AKAP9: variants seen among roughly 807,000 people sequenced by gnomAD.
AKAP9 encodes the protein A-kinase anchoring protein 9.
Under a neutral mutation model 488.5 loss-of-function variants are expected in AKAP9, and 311 were observed. That is an observed-to-expected ratio of 0.64 (90% CI 0.58 to 0.70). The LOEUF (loss-of-function observed/expected upper bound fraction) is 0.70, where lower values mean the gene tolerates loss of function less well. Among genes scored for constraint, AKAP9 ranks in the 30% least tolerant of loss-of-function variants. The pLI is 0.00. For synonymous variants in AKAP9, 1,462 were observed against 1,483.5 expected (o/e 0.99, Z 0.33); for missense variants, 4,215 against 4,374.5 (o/e 0.96, Z 1.03).
intron 18 of AKAP9, 129 bp downstream of exon 18, chr7:92,041,027 T>A: frequency 1.4e-6 from 1 of 721,296 alleles, no homozygotes; most frequent in South Asian, 1.8e-5. Context: ...TTTGCCGAAA[T>A]CTGAATAAAC....
rs138345347 is a variant in AKAP9, at chr7:91,956,316, C to T, written c.48+15169C>T. ...TCAGGAGGCTGAGGCAGGAGAATGG[C>T]GTGGACCCGGGGGGCAGAACTTGCA... is the stretch of plus-strand genomic sequence containing the variant. On this transcript the variant is annotated intron_variant, in intron 1 of 49. Coordinates refer to ENST00000356239, the MANE Select transcript of AKAP9 (RefSeq NM_005751.5). Among the ~76,000 whole-genome samples, 333 of 149,604 alleles carry T rather than the reference C, an allele frequency of 2.2e-3. 1 individual carries two copies. The highest frequency in any genetic ancestry group is 7.6e-3 in the African/African-American group (311 of 40,662).
At chr7:92,042,642 C>T (rs1317930586) in intron 19 of AKAP9, 26 bp from the exon 20 acceptor site, 2 of 1,529,120 alleles carry the variant, frequency 1.3e-6, no homozygotes, top group African/African-American at 2.7e-5. Flanking sequence ...GTCTTCTCCT[C>T]TCTTCCTTTA....
chr7:92,083,144 C>A, intron 32 of AKAP9, 26 bp from the exon 33 acceptor site: 2 of 1,611,424 alleles, frequency 1.2e-6, no homozygotes, highest in South Asian at 2.2e-5. Flanking sequence ...ACTGAATGCC[C>A]TACTGTTCTA....
chr7:92,003,618 G>GT (rs1323084691), intron 8 of AKAP9, among the ~76,000 whole-genome samples: 1 of 151,766 alleles, frequency 6.6e-6, no homozygotes, highest in Non-Finnish European at 1.5e-5. Context: ...TCATAGTGAT[G>GT]TTTTCAAGTC....
chr7:92,008,653 A>T (rs1278566709), intron 8 of AKAP9, among the ~76,000 whole-genome samples: 1 of 151,368 alleles, frequency 6.6e-6, no homozygotes, highest in South Asian at 2.1e-4. Flanking sequence ...GCATCACTGC[A>T]CTCCAGCCTG....
intron 1 of AKAP9, among the ~76,000 whole-genome samples, chr7:91,953,860 C>G (rs1792601001): frequency 6.6e-6 from 1 of 150,420 alleles, no homozygotes; most frequent in African/African-American, 2.5e-5. Flanking sequence ...TATGCTGCCA[C>G]CAGGTGGCAG....
chr7:92,103,765 A>G (rs1225019437), intron 46 of AKAP9, among the ~76,000 whole-genome samples: 1 of 152,088 alleles, frequency 6.6e-6, no homozygotes, highest in Non-Finnish European at 1.5e-5. Flanking sequence ...AGATTATAAA[A>G]TTTAAAAATG....
chr7:91,968,762 C>T (rs748015110), intron 1 of AKAP9, among the ~76,000 whole-genome samples: 18 of 152,290 alleles, frequency 1.2e-4, no homozygotes, highest in Admixed American at 9.8e-4. Context: ...TGCTTTATCA[C>T]ATAGATTTTG....
intron 1 of AKAP9, among the ~76,000 whole-genome samples, chr7:91,953,058 G>A (rs886607068): frequency 9.2e-5 from 14 of 152,212 alleles, no homozygotes; most frequent in South Asian, 2.1e-4. Flanking sequence ...TGACAGCTGT[G>A]TGGAGGATAG....
chr7:92,102,974 T>C (rs1400311580), intron 46 of AKAP9, 148 bp downstream of exon 46: 17 of 770,252 alleles, frequency 2.2e-5, no homozygotes, highest in Non-Finnish European at 3.4e-5. Context: ...TGCTTTTTTT[T>C]TCTAGGTTTT....
chr7:92,080,201 G>C, intron 31 of AKAP9, 49 bp downstream of exon 31: 1 of 1,353,488 alleles, frequency 7.4e-7, no homozygotes, highest in Non-Finnish European at 1.0e-6. Context: ...AAGAAACTAA[G>C]CTGATTGCTA....
chr7:92,004,090 A>G (rs1799503539), intron 8 of AKAP9, among the ~76,000 whole-genome samples: 1 of 152,230 alleles, frequency 6.6e-6, no homozygotes, highest in Non-Finnish European at 1.5e-5. Flanking sequence ...TTCTCTGAAG[A>G]AATAAAACAG....
At chr7:92,086,186 T>C (rs749352591) in intron 36 of AKAP9, 42 bp from the exon 37 acceptor site, 1 of 1,487,320 alleles carries the variant, frequency 6.7e-7, no homozygotes, top group East Asian at 2.3e-5. Context: ...TTTTAAAACA[T>C]GCTTATTTGA....
chr7:92,092,532 G>A (rs542328422), intron 38 of AKAP9: 1 of 151,498 alleles, frequency 6.6e-6, no homozygotes, highest in Non-Finnish European at 1.5e-5. Context: ...TTTAAGTCTT[G>A]CATCCATTAA....
At chr7:92,108,905 T>C (rs1818942051) in intron 49 of AKAP9, 2 of 503,180 alleles carry the variant, frequency 4.0e-6, no homozygotes, top group Non-Finnish European at 7.3e-6. Context: ...TGACACAAAA[T>C]GCACAATGAG....
rs1393887109 is a variant in AKAP9, at chr7:91,957,001, A to G, written c.48+15854A>G. Among the ~76,000 whole-genome samples, 9 of 152,192 alleles carry G rather than the reference A, an allele frequency of 5.9e-5. No homozygotes were observed. In the South Asian group the frequency reaches 1.7e-3, roughly 28 times the overall value. Reference sequence around the variant, plus strand: ...ACTTATTTTAAATGCTTTAGTATTTAAAGGGTATATGTTTTTAATTAATCT... The same window carrying G: ...ACTTATTTTAAATGCTTTAGTATTTGAAGGGTATATGTTTTTAATTAATCT... On this transcript the variant is annotated intron_variant, in intron 1 of 49. Coordinates refer to ENST00000356239, the MANE Select transcript of AKAP9 (RefSeq NM_005751.5).
chr7:92,008,983 TAAAAAAA>T lies in AKAP9; in HGVS notation c.3319-3435_3319-3429del, dbSNP rs58922447. On this transcript the variant is annotated intron_variant, in intron 8 of 49. Coordinates refer to ENST00000356239, the MANE Select transcript of AKAP9 (RefSeq NM_005751.5). ...CCTGGCAACAGAGCGAGACTCCATTTAAAAAAAAAAAAAAAAAGAAAATGATCGGGAA... is the reference window on the plus strand; with the variant it reads ...CCTGGCAACAGAGCGAGACTCCATTTAAAAAAAAAAGAAAATGATCGGGAA... Among the ~76,000 whole-genome samples the T allele has an allele frequency of 2.3e-5, 3 of 130,738 alleles. 1 individual carries two copies. Among genetic ancestry groups the T allele is most frequent in the South Asian group, 5.0e-4 (2 of 4,020 alleles). The allele number at this position is 130,738 out of a possible 152,430, so 85.8% of individuals were successfully genotyped here.
intron 6 of AKAP9, 73 bp downstream of exon 6, chr7:91,994,849 AATCTAAATTTGTT>A: frequency 6.9e-7 from 1 of 1,441,382 alleles, no homozygotes; most frequent in Non-Finnish European, 9.6e-7. Context: ...TTCAAGAACA[AATCTAAATTTGTT>A]AAAAAAGCCA....
intron 3 of AKAP9, among the ~76,000 whole-genome samples, chr7:91,986,906 ATATATT>A (rs1263770350): frequency 6.6e-6 from 1 of 151,562 alleles, no homozygotes; most frequent in Non-Finnish European, 1.5e-5. Flanking sequence ...ATATAGTTAC[ATATATT>A]TATAGTTATA....
Sources: gnomAD v4.1 joint callset for allele counts (sites outside exome capture counted in the v4.1 genomes callset) on GRCh38, gnomAD v4.1.1 for gene constraint, MANE v1.5 for transcripts, NCBI Gene and HGNC (gene_info 2026-07-23, HGNC 2026-07-21) for gene names.